Variants in ZCCHC24 observed in about 807,000 individuals in gnomAD.
ZCCHC24 encodes the protein zinc finger CCHC-type containing 24.
ZCCHC24 carries 10 observed loss-of-function variants against 26.2 expected under a neutral mutation model. That is an observed-to-expected ratio of 0.38 (90% confidence interval 0.24 to 0.65). The LOEUF (loss-of-function observed/expected upper bound fraction) is 0.65. Among genes scored for constraint, ZCCHC24 ranks in the 30% least tolerant of loss-of-function variants. The probability of loss-of-function intolerance (pLI) is 0.54; values close to 1 mark genes in which losing one functional copy is unlikely to be tolerated. For missense variants in ZCCHC24, 243 were observed against 329.1 expected (o/e 0.74, Z 2.03); for synonymous variants, 144 against 147.1 (o/e 0.98, Z 0.15).
intron 2 of ZCCHC24, among the ~76,000 whole-genome samples, chr10:79,405,444 G>T (rs868423641): frequency 3.9e-4 from 59 of 152,358 alleles, no homozygotes; most frequent in Middle Eastern, 6.8e-3. Flanking sequence ...TTAGGGCAGG[G>T]TGGAGGTCGC....
intron 1 of ZCCHC24, among the ~76,000 whole-genome samples, chr10:79,443,540 A>G (rs904200218): frequency 6.6e-6 from 1 of 152,172 alleles, no homozygotes; most frequent in Non-Finnish European, 1.5e-5. Context: ...CATACCCTCT[A>G]TCACCTTGTC....
chr10:79,408,388 C>T (rs988114861), intron 2 of ZCCHC24, among the ~76,000 whole-genome samples: 1 of 152,160 alleles, frequency 6.6e-6, no homozygotes, highest in Non-Finnish European at 1.5e-5. Context: ...GCCTGGATCC[C>T]AGGTGCCCCC....
At chr10:79,391,786 C>G (rs1856483442) in intron 3 of ZCCHC24, among the ~76,000 whole-genome samples, 1 of 151,640 alleles carries the variant, frequency 6.6e-6, no homozygotes, top group Non-Finnish European at 1.5e-5. Flanking sequence ...AGCCTTCCCC[C>G]AGTAGCTCCC....
At chr10:79,434,829 G>T (rs1184783635) in intron 1 of ZCCHC24, among the ~76,000 whole-genome samples, 1 of 152,166 alleles carries the variant, frequency 6.6e-6, no homozygotes, top group Admixed American at 6.5e-5. Flanking sequence ...CATCGCCACC[G>T]TCCAGCTCCA....
intron 3 of ZCCHC24, among the ~76,000 whole-genome samples, chr10:79,388,774 CGCCACCTAAT>C (rs879521004): frequency 0.13 from 4,850 of 36,482 alleles, 128 homozygotes; most frequent in East Asian, 0.44. Flanking sequence ...CACCTAATGT[CGCCACCTAAT>C]GTCACCACCT....
chr10:79,435,816 C>T (rs183524736), intron 1 of ZCCHC24, among the ~76,000 whole-genome samples: 1 of 152,292 alleles, frequency 6.6e-6, no homozygotes, highest in Non-Finnish European at 1.5e-5. Context: ...TCTCTGAGGC[C>T]CCGTTTGAGC....
At position 79,429,476 on chromosome 10, in the gene ZCCHC24, G is replaced by A. The variant is rs374053227; in HGVS notation, c.447+3082C>T. 5.3e-5 allele frequency among the ~76,000 whole-genome samples: 8 copies of A among 152,314 alleles called. No individual in the cohort carries two copies. In the East Asian group the frequency reaches 7.7e-4, roughly 15 times the overall value. Reference sequence around the variant, plus strand: ...AGCACCTGGATTCCCAGCTACTCGGGAGGCTGAGGCATGAGAATCACTTGA... The same window carrying A: ...AGCACCTGGATTCCCAGCTACTCGGAAGGCTGAGGCATGAGAATCACTTGA... On this transcript the variant is annotated intron_variant, in intron 2 of 3. Transcript: ENST00000372336.
intron 1 of ZCCHC24, among the ~76,000 whole-genome samples, chr10:79,439,274 T>A (rs922957949): frequency 3.3e-5 from 5 of 152,246 alleles, no homozygotes; most frequent in African/African-American, 1.2e-4. Context: ...AAGCCTCTGC[T>A]GAAACACTTG....
At chr10:79,434,869 C>A (rs1857192909) in intron 1 of ZCCHC24, among the ~76,000 whole-genome samples, 1 of 151,844 alleles carries the variant, frequency 6.6e-6, no homozygotes, top group Non-Finnish European at 1.5e-5. Context: ...AACTGAAACT[C>A]CATGCCCGTG....
In ZCCHC24 at chr10:79,417,253, G is replaced by A. The variant is rs1165271058; in HGVS notation, c.447+15305C>T. ...GCTTCACAGTCCCCAGGAAGGAGCA[G>A]AGGAGCATGGGCCCCTGTTGGGTTT... On this transcript the variant is annotated intron_variant, in intron 2 of 3. Coordinates refer to ENST00000372336, the MANE Select transcript of ZCCHC24 (RefSeq NM_153367.4). Among the ~76,000 whole-genome samples, 2 of 95,234 alleles carry A rather than the reference G, an allele frequency of 2.1e-5. 1 individual carries two copies. The highest frequency in any genetic ancestry group is 5.1e-5 in the Non-Finnish European group (2 of 38,982). 62.5% of individuals were successfully genotyped at this position (95,234 alleles called of 152,430 possible).
chr10:79,404,428 G>A (rs1360432600), intron 2 of ZCCHC24, among the ~76,000 whole-genome samples: 1 of 152,186 alleles, frequency 6.6e-6, no homozygotes, highest in African/African-American at 2.4e-5. Context: ...GGGGAAGAGG[G>A]GCCGGTCCAG....
At chr10:79,411,333 A>G (rs1856788580) in intron 2 of ZCCHC24, among the ~76,000 whole-genome samples, 1 of 152,126 alleles carries the variant, frequency 6.6e-6, no homozygotes, top group Admixed American at 6.5e-5. Context: ...TTAAACACAC[A>G]CACACTCCCC....
chr10:79,386,650 A>AG (rs960099470), intron 3 of ZCCHC24, among the ~76,000 whole-genome samples, 192 bp from the exon 4 acceptor site: 69 of 152,168 alleles, frequency 4.5e-4, no homozygotes, highest in African/African-American at 1.5e-3. Flanking sequence ...ACACCCGATG[A>AG]GGGGTGGGGA....
At chr10:79,425,038 G>A (rs940924996) in intron 2 of ZCCHC24, among the ~76,000 whole-genome samples, 1 of 152,180 alleles carries the variant, frequency 6.6e-6, no homozygotes, top group Non-Finnish European at 1.5e-5. Context: ...CTCAGGAATG[G>A]TTGGGTGATG....
At chr10:79,428,259 C>T (rs1857061678) in intron 2 of ZCCHC24, among the ~76,000 whole-genome samples, 1 of 152,270 alleles carries the variant, frequency 6.6e-6, no homozygotes, top group Admixed American at 6.5e-5. Flanking sequence ...GTGAACTGAG[C>T]CAATCACCAA....
chr10:79,416,210 G>A (rs556945073), intron 2 of ZCCHC24, among the ~76,000 whole-genome samples: 86 of 152,202 alleles, frequency 5.7e-4, no homozygotes, highest in South Asian at 4.6e-3. Context: ...CAGCCTAGAG[G>A]GACAGGATGC....
intron 2 of ZCCHC24, among the ~76,000 whole-genome samples, chr10:79,399,070 CT>C (rs1486429843): frequency 6.6e-6 from 1 of 152,006 alleles, no homozygotes; most frequent in Admixed American, 6.6e-5. Flanking sequence ...AAGAAAATTC[CT>C]AGGGCCTCCC....
intron 2 of ZCCHC24, among the ~76,000 whole-genome samples, chr10:79,398,649 C>T (rs1856580826): frequency 6.6e-6 from 1 of 152,230 alleles, no homozygotes; most frequent in East Asian, 1.9e-4. Context: ...CAGCATTAGG[C>T]ATCTTCGCTT....
At chr10:79,392,902 C>A (rs1184540827) in intron 3 of ZCCHC24, among the ~76,000 whole-genome samples, 2 of 152,218 alleles carry the variant, frequency 1.3e-5, no homozygotes, top group Non-Finnish European at 2.9e-5. Context: ...AGGACCATCG[C>A]CTTATTGCCA....
Sources: gnomAD v4.1 joint callset for allele counts (sites outside exome capture counted in the v4.1 genomes callset) on GRCh38, gnomAD v4.1.1 for gene constraint, MANE v1.5 for transcripts, NCBI Gene and HGNC (gene_info 2026-07-23, HGNC 2026-07-21) for gene names.